Variants in SLC24A2 observed in about 807,000 individuals in gnomAD.
SLC24A2 encodes solute carrier family 24 member 2.
In SLC24A2, 36 loss-of-function variants were observed where a neutral mutation model predicts 62.0. That is an observed-to-expected ratio of 0.58 (90% CI 0.44 to 0.77). SLC24A2 has a LOEUF of 0.77. SLC24A2 is among the 30% of genes least tolerant of loss of function. The pLI is 0.00. For synonymous variants in SLC24A2, 358 were observed against 294.0 expected (o/e 1.22, Z -2.23); for missense variants, 846 against 817.9 (o/e 1.03, Z -0.42).
chr9:19,519,367 G>GTC (rs1305467045), intron 10 of SLC24A2, among the ~76,000 whole-genome samples: 5 of 151,776 alleles, frequency 3.3e-5, no homozygotes, highest in Non-Finnish European at 5.9e-5. Flanking sequence ...GTGTGTGTGT[G>GTC]TGTGTGTGTA....
chr9:20,226,086 A>G, the SLC24A2 span, among the ~76,000 whole-genome samples: 1 of 152,140 alleles, frequency 6.6e-6, no homozygotes, highest in East Asian at 1.9e-4. Flanking sequence ...AGAATCAACC[A>G]CATTGGAGAA....
chr9:20,303,500 T>C, the SLC24A2 span, among the ~76,000 whole-genome samples: 1 of 152,182 alleles, frequency 6.6e-6, no homozygotes, highest in South Asian at 2.1e-4. Flanking sequence ...TGAAGTAATC[T>C]AGTTCCCACG....
At chr9:19,927,315 C>T in the SLC24A2 span, 1 of 152,258 alleles carries the variant, frequency 6.6e-6, no homozygotes, top group African/African-American at 2.4e-5. Context: ...TTAAGCTCGC[C>T]TGCCTAGGTT....
chr9:20,270,815 T>C, the SLC24A2 span, among the ~76,000 whole-genome samples: 5 of 152,212 alleles, frequency 3.3e-5, no homozygotes, highest in Non-Finnish European at 5.9e-5. Flanking sequence ...AATGTTTTTA[T>C]ACAATAAAAA....
At chr9:20,235,262 G>A in the SLC24A2 span, among the ~76,000 whole-genome samples, 21 of 152,226 alleles carry the variant, frequency 1.4e-4, no homozygotes, top group Non-Finnish European at 2.5e-4. Flanking sequence ...TGTCAGACAG[G>A]GACATTTAAG....
At chr9:20,253,419 T>G in the SLC24A2 span, among the ~76,000 whole-genome samples, 1 of 152,224 alleles carries the variant, frequency 6.6e-6, no homozygotes, top group Non-Finnish European at 1.5e-5. Flanking sequence ...TTGGCATTAC[T>G]TCAATAATAA....
the SLC24A2 span, among the ~76,000 whole-genome samples, chr9:19,843,202 TA>T: frequency 6.6e-6 from 1 of 152,094 alleles, no homozygotes; most frequent in African/African-American, 2.4e-5. Flanking sequence ...CTTCATACTT[TA>T]AAAAAAATAA....
chr9:20,134,391 T>C, the SLC24A2 span, among the ~76,000 whole-genome samples: 2 of 152,080 alleles, frequency 1.3e-5, no homozygotes, highest in East Asian at 3.9e-4. Flanking sequence ...GAAATCTACT[T>C]CCAATGAGAA....
the SLC24A2 span, among the ~76,000 whole-genome samples, chr9:20,237,050 C>T: frequency 6.6e-6 from 1 of 151,986 alleles, no homozygotes; most frequent in Admixed American, 6.6e-5. Flanking sequence ...GCCTGAATCG[C>T]AAACACCAGA....
the SLC24A2 span, among the ~76,000 whole-genome samples, chr9:19,937,965 A>G: frequency 1.0e-3 from 159 of 152,350 alleles, 1 homozygote; most frequent in African/African-American, 3.6e-3. Flanking sequence ...AAAAATGAAA[A>G]TACATGAAAA....
At chr9:20,048,325 T>A in the SLC24A2 span, among the ~76,000 whole-genome samples, 2 of 152,146 alleles carry the variant, frequency 1.3e-5, no homozygotes, top group Non-Finnish European at 2.9e-5. Context: ...GCTTGATAAG[T>A]CAAATGAGAA....
chr9:20,078,127 T>C, the SLC24A2 span, among the ~76,000 whole-genome samples: 1 of 152,152 alleles, frequency 6.6e-6, no homozygotes, highest in African/African-American at 2.4e-5. Flanking sequence ...TTGATTAACC[T>C]ATAGGCTGCC....
chr9:19,688,146 C>T (rs1310436266), intron 2 of SLC24A2, among the ~76,000 whole-genome samples: 1 of 152,002 alleles, frequency 6.6e-6, no homozygotes, highest in Non-Finnish European at 1.5e-5. Flanking sequence ...AAGTAAGGTG[C>T]TATTAAATGT....
At chr9:19,686,779 C>G (rs1819894003) in intron 2 of SLC24A2, among the ~76,000 whole-genome samples, 1 of 152,132 alleles carries the variant, frequency 6.6e-6, no homozygotes, top group South Asian at 2.1e-4. Flanking sequence ...TTATAAATTA[C>G]CCAGCCTTGG....
At chr9:19,943,693 G>T in the SLC24A2 span, among the ~76,000 whole-genome samples, 2 of 152,094 alleles carry the variant, frequency 1.3e-5, no homozygotes, top group Admixed American at 1.3e-4. Flanking sequence ...ACACAGAATG[G>T]TATTATTTTC....
At chr9:19,998,578 A>C in the SLC24A2 span, among the ~76,000 whole-genome samples, 3 of 152,256 alleles carry the variant, frequency 2.0e-5, no homozygotes, top group East Asian at 3.8e-4. Flanking sequence ...TATGAGGATT[A>C]GAATTTTTAA....
the SLC24A2 span, among the ~76,000 whole-genome samples, chr9:20,078,685 T>C: frequency 6.6e-6 from 1 of 152,172 alleles, no homozygotes; most frequent in Non-Finnish European, 1.5e-5. Context: ...AACCATCCTC[T>C]TTCTTATGCC....
At chr9:20,216,643 C>T in the SLC24A2 span, among the ~76,000 whole-genome samples, 1 of 152,144 alleles carries the variant, frequency 6.6e-6, no homozygotes, top group Non-Finnish European at 1.5e-5. Context: ...TATCCAGTGT[C>T]TCATTTTTGG....
the SLC24A2 span, among the ~76,000 whole-genome samples, chr9:20,133,329 A>G: frequency 6.6e-6 from 1 of 152,140 alleles, no homozygotes; most frequent in East Asian, 1.9e-4. Flanking sequence ...AATTTGGTAT[A>G]ACTGATTCTT....
Sources: allele counts gnomAD v4.1 joint callset (sites outside exome capture counted in the v4.1 genomes callset), GRCh38; gene constraint gnomAD v4.1.1; transcripts MANE v1.5; gene names NCBI Gene and HGNC (gene_info 2026-07-23, HGNC 2026-07-21).